Variants in CELA1 observed in about 807,000 individuals in gnomAD.
CELA1 encodes the protein chymotrypsin like elastase 1.
CELA1 carries 28 observed loss-of-function variants against 34.8 expected under a neutral mutation model. The ratio of observed to expected loss-of-function variants is 0.80; its 90% CI spans 0.60 to 1.10. The LOEUF (loss-of-function observed/expected upper bound fraction) is 1.10, where lower values mean the gene tolerates loss of function less well. CELA1 is among the 50% of genes least tolerant of loss of function. CELA1 has a pLI of 0.00. For missense variants in CELA1, 288 were observed against 327.5 expected (o/e 0.88, Z 0.93); for synonymous variants, 140 against 129.8 (o/e 1.08, Z -0.53).
chr12:51,345,964 A>AC, intron 1 of CELA1, 87 bp from the exon 2 acceptor site: 1 of 882,026 alleles, frequency 1.1e-6, no homozygotes, highest in Non-Finnish European at 1.8e-6. Context: ...TGCTTTGAGG[A>AC]ATGTTAGCCT....
chr12:51,339,807 G>A, intron 6 of CELA1, 53 bp downstream of exon 6: 1 of 1,581,902 alleles, frequency 6.3e-7, no homozygotes, highest in Non-Finnish European at 8.6e-7. Flanking sequence ...GAGGGGTGGA[G>A]GGATAGGCAG....
chr12:51,329,898 G>A (rs992973158), intron 6 of CELA1, 65 bp from the exon 7 acceptor site: 25 of 1,439,164 alleles, frequency 1.7e-5, no homozygotes, highest in East Asian at 7.2e-5. Context: ...CACTCCCCCC[G>A]CCCCCGTCTC....
intron 6 of CELA1, among the ~76,000 whole-genome samples, chr12:51,332,393 C>T (rs17860349): frequency 0.041 from 5,281 of 128,204 alleles, 130 homozygotes; most frequent in South Asian, 0.084. Flanking sequence ...AGAATCACAT[C>T]TGCCATAATG....
intron 6 of CELA1, among the ~76,000 whole-genome samples, chr12:51,334,112 T>C (rs888715569): frequency 6.6e-6 from 1 of 152,158 alleles, no homozygotes; most frequent in Non-Finnish European, 1.5e-5. Flanking sequence ...GGGGACACAA[T>C]TGCCTCTGAG....
chr12:51,344,163 T>G (rs1946553324), intron 2 of CELA1, among the ~76,000 whole-genome samples: 1 of 152,242 alleles, frequency 6.6e-6, no homozygotes, highest in Non-Finnish European at 1.5e-5. Flanking sequence ...ACCTGCCAAT[T>G]GCTACTGATT....
intron 6 of CELA1, among the ~76,000 whole-genome samples, chr12:51,337,951 C>T (rs1412794311): frequency 6.6e-6 from 1 of 150,418 alleles, no homozygotes; most frequent in Non-Finnish European, 1.5e-5. Flanking sequence ...TATGGCCAGG[C>T]GCGGTGGCTC....
chr12:51,339,052 T>G (rs1003923396), intron 6 of CELA1, among the ~76,000 whole-genome samples: 2 of 152,230 alleles, frequency 1.3e-5, no homozygotes, highest in Non-Finnish European at 2.9e-5. Flanking sequence ...TTGTTATATA[T>G]AAGCTATTAT....
At position 51,329,808 on chromosome 12, in the gene CELA1, C is replaced by A; in HGVS notation, c.635G>T (p.Cys212Phe). The change falls in exon 7 of 8, where the codon TGC (cysteine) becomes TTC (phenylalanine). Residue 212 changes from cysteine to phenylalanine, a missense_variant. Coordinates refer to ENST00000293636, the MANE Select transcript of CELA1 (RefSeq NM_001971.6). ...GACAGAATACTTGCCATTCACCAAG[C>A]AATGGAGGGGGCCCCCAGAGTCACC... Reference protein sequence around the residue: ...CQGDSGGPLHCLVNGKYSVHG... With the variant: ...CQGDSGGPLHFLVNGKYSVHG... 6.2e-7 allele frequency: 1 copy of A among 1,603,184 alleles called. No homozygotes were observed. The highest frequency in any genetic ancestry group is 2.2e-5 in the East Asian group (1 of 44,782).
intron 4 of CELA1, 24 bp from the exon 5 acceptor site, chr12:51,341,404 C>T: frequency 3.7e-6 from 6 of 1,613,590 alleles, no homozygotes; most frequent in Non-Finnish European, 5.1e-6. Flanking sequence ...GGAGACTGCT[C>T]ACTCATGGGA....
intron 6 of CELA1, among the ~76,000 whole-genome samples, chr12:51,337,658 TGAC>T (rs1463338656): frequency 6.6e-6 from 1 of 151,550 alleles, no homozygotes; most frequent in Non-Finnish European, 1.5e-5. Context: ...TCATGTGTCA[TGAC>T]ATATTATTAT....
intron 2 of CELA1, 56 bp downstream of exon 2, chr12:51,345,739 G>A: frequency 1.7e-6 from 2 of 1,184,282 alleles, no homozygotes; most frequent in Non-Finnish European, 1.2e-6. Flanking sequence ...GATACCTTAT[G>A]TCATGCACTG....
intron 6 of CELA1, among the ~76,000 whole-genome samples, chr12:51,338,309 T>C (rs950562445): frequency 1.0e-4 from 15 of 147,776 alleles, no homozygotes; most frequent in Admixed American, 6.1e-4. Context: ...CATACATATA[T>C]ATATATATAT....
rs532961697 is a variant in CELA1 at position 51,346,609 on chromosome 12, CCATATCCACTT to C, written c.16+3_16+13del. On this transcript the variant is annotated splice_donor_5th_base_variant and intron_variant, in intron 1 of 7. Transcript: ENST00000293636. ...ATAAAGGACCAGGGTTGCGACTGGA[CCATATCCACTT>C]ACCATAAAGGACCAGCATGTTGCCG... The C allele has an allele frequency of 0.39, 584,214 of 1,481,504 alleles. 133,140 individuals carry two copies. The highest frequency in any genetic ancestry group is 0.55 in the East Asian group (23,925 of 43,112). The allele number at this position is 1,481,504 out of a possible 1,614,324, so 91.8% of individuals were successfully genotyped here.
intron 4 of CELA1, among the ~76,000 whole-genome samples, chr12:51,341,591 G>A (rs1592298413): frequency 6.6e-6 from 1 of 152,152 alleles, no homozygotes; most frequent in Non-Finnish European, 1.5e-5. Context: ...CTGCTGGTGG[G>A]ACATTGGTAT....
rs758991700 is a variant in CELA1, at chr12:51,339,815, CAG to C, written c.609+43_609+44del. The C allele has an allele frequency of 3.8e-6, 6 of 1,592,640 alleles. No homozygotes were observed. The African/African-American group carries it at 6.7e-5, about 18-fold the overall frequency. ...TGAGGAAGAGGGGTGGAGGGATAGG[CAG>C]AGAGTGGCGGGACCTGGGGTGGGAC... On this transcript the variant is annotated intron_variant, in intron 6 of 7. Coordinates refer to ENST00000293636, the MANE Select transcript of CELA1 (RefSeq NM_001971.6).
chr12:51,332,378 T>C (rs1254632694), intron 6 of CELA1, among the ~76,000 whole-genome samples: 4 of 148,426 alleles, frequency 2.7e-5, no homozygotes. Flanking sequence ...ATATAAAAAA[T>C]AAAGAGAATC....
At chr12:51,339,653 C>G (rs1212906240) in intron 6 of CELA1, among the ~76,000 whole-genome samples, 1 of 152,192 alleles carries the variant, frequency 6.6e-6, no homozygotes. Flanking sequence ...GGGCATCGAG[C>G]AAGATCAATT....
At chr12:51,336,438 C>A (rs1946499755) in intron 6 of CELA1, among the ~76,000 whole-genome samples, 2 of 152,090 alleles carry the variant, frequency 1.3e-5, no homozygotes, top group South Asian at 4.1e-4. Flanking sequence ...CTTAGCCTGG[C>A]CAACATGGGG....
chr12:51,339,409 G>A (rs983971657), intron 6 of CELA1, among the ~76,000 whole-genome samples: 5 of 152,078 alleles, frequency 3.3e-5, no homozygotes, highest in African/African-American at 7.2e-5. Flanking sequence ...AAAATTAGCC[G>A]GGCGTGGTGG....
Sources: allele counts gnomAD v4.1 joint callset (sites outside exome capture counted in the v4.1 genomes callset), GRCh38; gene constraint gnomAD v4.1.1; transcripts MANE v1.5; gene names NCBI Gene and HGNC (gene_info 2026-07-23, HGNC 2026-07-21).